Variants in PDE3A observed in about 807,000 individuals in gnomAD.
PDE3A encodes cGMP-inhibited 3',5'-cyclic phosphodiesterase 3A.
In PDE3A, 43 loss-of-function variants were observed where a neutral mutation model predicts 98.3. The ratio of observed to expected loss-of-function variants is 0.44; its 90% confidence interval spans 0.34 to 0.56. PDE3A has a LOEUF of 0.56. PDE3A is among the 20% of genes least tolerant of loss of function. The pLI is 0.01. For missense variants in PDE3A, 1,427 were observed against 1,440.7 expected (o/e 0.99, Z 0.15); for synonymous variants, 663 against 567.9 (o/e 1.17, Z -2.38).
chr12:20,620,049 C>T (rs113322801), intron 4 of PDE3A, among the ~76,000 whole-genome samples: 1 of 151,996 alleles, frequency 6.6e-6, no homozygotes, highest in Non-Finnish European at 1.5e-5. Flanking sequence ...CACATTAGCA[C>T]ATGTTCTGGT....
At chr12:20,669,252 G>A (rs1945404278) in intron 15 of PDE3A, among the ~76,000 whole-genome samples, 1 of 152,068 alleles carries the variant, frequency 6.6e-6, no homozygotes. Context: ...TGGGGAGAAT[G>A]GAACCAAGTT....
At chr12:20,432,879 G>T (rs1020503984) in intron 1 of PDE3A, among the ~76,000 whole-genome samples, 3 of 151,806 alleles carry the variant, frequency 2.0e-5, no homozygotes, top group Non-Finnish European at 4.4e-5. Flanking sequence ...TTTTGTGCTG[G>T]AGTAGAAAAC....
rs113118190 is a variant in PDE3A at position 20,552,420 on chromosome 12, G to C, written c.961-4240G>C. The C allele has an allele frequency of 5.7e-4, 923 of 1,613,028 alleles. 6 individuals are homozygous for C. In the African/African-American group the frequency reaches 0.011, roughly 20 times the overall value. ...CTTGGACGAAGGAGGGGAAGGACCG[G>C]ATCAAGAAGCTGGGGCTGACCATGC... On this transcript the variant is annotated intron_variant, in intron 1 of 15. Coordinates refer to ENST00000359062, the MANE Select transcript of PDE3A (RefSeq NM_000921.5). This position sits in a 1 kb window ranked among gnomAD's most constrained non-coding sequence, Gnocchi z 5.1.
chr12:20,561,662 A>G (rs1942524794), intron 2 of PDE3A, among the ~76,000 whole-genome samples: 1 of 152,158 alleles, frequency 6.6e-6, no homozygotes, highest in African/African-American at 2.4e-5. Context: ...TTGCTAGGAT[A>G]GAGTTAAGCT....
intron 6 of PDE3A, 54 bp downstream of exon 6, chr12:20,630,181 C>G: frequency 8.0e-7 from 1 of 1,246,834 alleles, no homozygotes; most frequent in Non-Finnish European, 1.2e-6. Flanking sequence ...ATAGTTTTCC[C>G]CTAGAAATAC....
rs1362827735 is a variant in PDE3A at position 20,644,397 on chromosome 12, A to T, written c.2252-2093A>T. Among the ~76,000 whole-genome samples, 5 of 152,292 alleles carry T rather than the reference A, an allele frequency of 3.3e-5. No homozygotes were observed. In the East Asian group the frequency reaches 7.7e-4, roughly 24 times the overall value. The stretch of plus-strand genomic sequence containing the variant: ...ATATATTTCCTAATGTAATTGTCAC[A>T]ATTGTACCATGAATTTGGCAATATT... On this transcript the variant is annotated intron_variant, in intron 10 of 15. Transcript: ENST00000359062.
intron 14 of PDE3A, among the ~76,000 whole-genome samples, chr12:20,652,216 C>T (rs965249229): frequency 1.7e-4 from 26 of 152,246 alleles, no homozygotes; most frequent in Admixed American, 1.4e-3. Flanking sequence ...GTGAATAGTG[C>T]CTCAATAAAC....
At position 20,687,054 on chromosome 12, in the gene PDE3A, A is replaced by G. The variant is rs1945985745; in HGVS notation, c.*6783A>G. Among the ~76,000 whole-genome samples the G allele has an allele frequency of 6.6e-6, 1 of 152,068 alleles. No homozygotes were observed. Among genetic ancestry groups the G allele is most frequent in the Non-Finnish European group, 1.5e-5 (1 of 67,980 alleles). ...AATTAGCCCTTGAATTAGTTTGAAA[A>G]CTGCTACTTGAATAACTTTTGAAGA... On this transcript the variant is annotated 3_prime_UTR_variant, in exon 16 of 16. Transcript: ENST00000359062.
chr12:20,370,399 T>TTTG (rs111407502), intron 1 of PDE3A, 155 bp downstream of exon 1: 1 of 453,350 alleles, frequency 2.2e-6, no homozygotes. Context: ...GTTTTTTTTT[T>TTTG]GTTTTTTTTG....
chr12:20,525,321 T>C (rs1946497057), intron 1 of PDE3A, among the ~76,000 whole-genome samples: 2 of 152,234 alleles, frequency 1.3e-5, no homozygotes, highest in South Asian at 4.1e-4. Flanking sequence ...ACTATTCTTG[T>C]TACTATCATC....
At chr12:20,569,440 T>C (rs1359486838) in intron 2 of PDE3A, among the ~76,000 whole-genome samples, 1 of 152,150 alleles carries the variant, frequency 6.6e-6, no homozygotes, top group Non-Finnish European at 1.5e-5. Context: ...GTCTCTCTCT[T>C]CTTTCATAAC....
chr12:20,586,554 C>T (rs78405169), intron 2 of PDE3A, among the ~76,000 whole-genome samples: 4,896 of 152,206 alleles, frequency 0.032, 101 homozygotes, highest in Middle Eastern at 0.048. Context: ...TGAATTTTCA[C>T]AAAAAACTTA....
Position 20,654,168 on chromosome 12 carries a change from A to G in PDE3A, c.3147A>G (p.Pro1049=), listed in dbSNP as rs766600375. Residue 1049 remains proline, a synonymous_variant, in exon 15 of 16, where the codon CCA becomes CCG. Transcript: ENST00000359062. ...AAGAGGAGGAAGAAGCACCAGCACC[A>G]AATGAAGAGGAAACCTGTGAAAATA... The part of the protein sequence containing the change: ...PEEEEEEAPA[P]NEEETCENNE... 1 of 1,614,040 alleles carries G rather than the reference A, an allele frequency of 6.2e-7. No homozygotes were observed. The highest frequency in any genetic ancestry group is 1.3e-5 in the African/African-American group (1 of 74,928).
At chr12:20,594,639 C>A (rs1341778783) in intron 2 of PDE3A, among the ~76,000 whole-genome samples, 2 of 151,436 alleles carry the variant, frequency 1.3e-5, no homozygotes, top group African/African-American at 4.9e-5. Context: ...CCAAACATGT[C>A]TGAAGTGCCT....
chr12:20,464,293 A>G (rs950606470), intron 1 of PDE3A, among the ~76,000 whole-genome samples: 1 of 152,196 alleles, frequency 6.6e-6, no homozygotes, highest in South Asian at 2.1e-4. Context: ...GTATTTCAAT[A>G]GATCCACAAA....
chr12:20,462,700 C>T (rs1019340579), intron 1 of PDE3A, among the ~76,000 whole-genome samples: 12 of 152,086 alleles, frequency 7.9e-5, no homozygotes, highest in African/African-American at 2.9e-4. Flanking sequence ...TTCATTTACT[C>T]TAAACATTTA....
chr12:20,674,810 A>AT (rs1945591714), intron 15 of PDE3A, among the ~76,000 whole-genome samples: 1 of 150,358 alleles, frequency 6.7e-6, no homozygotes, highest in African/African-American at 2.4e-5. Flanking sequence ...TTCATTTCTG[A>AT]TTTTATTTTT....
At chr12:20,415,940 A>G (rs139647783) in intron 1 of PDE3A, among the ~76,000 whole-genome samples, 113 of 152,284 alleles carry the variant, frequency 7.4e-4, no homozygotes, top group Non-Finnish European at 1.2e-3. Flanking sequence ...TGTGATATTC[A>G]ATTTCTATGT....
intron 1 of PDE3A, among the ~76,000 whole-genome samples, chr12:20,378,316 C>T (rs971763571): frequency 1.3e-5 from 2 of 151,340 alleles, no homozygotes; most frequent in Admixed American, 6.6e-5. Context: ...TCTATGAATT[C>T]GTTAACAATA....
Sources: gnomAD v4.1 joint callset for allele counts (sites outside exome capture counted in the v4.1 genomes callset) on GRCh38, gnomAD v4.1.1 for gene constraint, Gnocchi (gnomAD v3.1) non-coding constraint, MANE v1.5 for transcripts, NCBI Gene and HGNC (gene_info 2026-07-23, HGNC 2026-07-21) for gene names.